KCND2: variants seen among roughly 807,000 people sequenced by gnomAD.
The protein encoded by KCND2 is potassium voltage-gated channel subfamily D member 2.
KCND2 carries 16 observed loss-of-function variants against 54.4 expected under a neutral mutation model. The ratio of observed to expected loss-of-function variants is 0.29; its 90% CI spans 0.20 to 0.45. The LOEUF (loss-of-function observed/expected upper bound fraction) is 0.45, where lower values mean the gene tolerates loss of function less well. Among genes scored for constraint, KCND2 ranks in the 20% least tolerant of loss-of-function variants. The pLI is 1.00. For missense variants in KCND2, 486 were observed against 824.2 expected (o/e 0.59, Z 5.02); for synonymous variants, 317 against 310.7 (o/e 1.02, Z -0.21).
At chr7:120,701,240 T>TAAAAAAAAAAAAAAAAAAAAAA (rs34803439) in intron 1 of KCND2, among the ~76,000 whole-genome samples, 1 of 55,098 alleles carries the variant, frequency 1.8e-5, no homozygotes, top group African/African-American at 5.6e-5. Flanking sequence ...AATGCCTAGC[T>TAAAAAAAAAAAAAAAAAAAAAA]AAAAAAAAAA....
At chr7:120,671,951 C>G (rs1055346231) in intron 1 of KCND2, among the ~76,000 whole-genome samples, 5 of 152,064 alleles carry the variant, frequency 3.3e-5, no homozygotes, top group Admixed American at 6.6e-5. Context: ...CAACTTATCC[C>G]CACCCTTTTT....
intron 1 of KCND2, among the ~76,000 whole-genome samples, chr7:120,315,612 A>G (rs1407891357): frequency 6.6e-6 from 1 of 152,132 alleles, no homozygotes; most frequent in Non-Finnish European, 1.5e-5. Flanking sequence ...TGCCACCCTT[A>G]TGGGATAGTC....
chr7:120,550,861 C>T (rs755252106), intron 1 of KCND2, among the ~76,000 whole-genome samples: 3 of 152,090 alleles, frequency 2.0e-5, no homozygotes, highest in Non-Finnish European at 4.4e-5. Flanking sequence ...AAAAGCAAGC[C>T]GGAAATAGCA....
chr7:120,695,213 T>A (rs1792318791), intron 1 of KCND2, among the ~76,000 whole-genome samples: 2 of 150,796 alleles, frequency 1.3e-5, no homozygotes, highest in South Asian at 2.1e-4. Flanking sequence ...TTTATATATA[T>A]TATATATATA....
chr7:120,707,365 C>G (rs1207687455), intron 1 of KCND2, among the ~76,000 whole-genome samples: 3 of 152,024 alleles, frequency 2.0e-5, no homozygotes, highest in Non-Finnish European at 1.5e-5. Flanking sequence ...ACTAGGACAA[C>G]TATAACAATA....
intron 3 of KCND2, 142 bp from the exon 4 acceptor site, chr7:120,742,368 C>T (rs1242755594): frequency 2.7e-6 from 2 of 728,864 alleles, no homozygotes; most frequent in African/African-American, 3.5e-5. Context: ...TTAACAGGAA[C>T]TGCACATTTG....
chr7:120,536,726 C>T (rs1336693344), intron 1 of KCND2, among the ~76,000 whole-genome samples: 1 of 152,092 alleles, frequency 6.6e-6, no homozygotes, highest in Non-Finnish European at 1.5e-5. Flanking sequence ...GCAATTCAGC[C>T]ATATCATTAG....
chr7:120,704,679 G>A (rs187145168), intron 1 of KCND2, among the ~76,000 whole-genome samples: 15 of 152,242 alleles, frequency 9.9e-5, no homozygotes, highest in Admixed American at 4.6e-4. Context: ...TATCTTATAC[G>A]TGTTAAGCTT....
intron 1 of KCND2, among the ~76,000 whole-genome samples, chr7:120,416,910 A>G (rs528608650): frequency 2.0e-5 from 3 of 152,246 alleles, no homozygotes; most frequent in African/African-American, 7.2e-5. Context: ...CAGTGGCGCA[A>G]TCTCAGCTCA....
intron 1 of KCND2, among the ~76,000 whole-genome samples, chr7:120,670,088 C>G (rs1231290020): frequency 6.6e-6 from 1 of 152,016 alleles, no homozygotes; most frequent in Middle Eastern, 3.2e-3. Context: ...ACTAAAATCT[C>G]AGAAATCACC....
At chr7:120,302,078 T>C (rs1799591968) in intron 1 of KCND2, among the ~76,000 whole-genome samples, 1 of 152,188 alleles carries the variant, frequency 6.6e-6, no homozygotes, top group South Asian at 2.1e-4. Flanking sequence ...ACATTATATA[T>C]TTACATGTAC....
intron 1 of KCND2, among the ~76,000 whole-genome samples, chr7:120,619,493 C>G (rs1793071555): frequency 6.6e-6 from 1 of 152,198 alleles, no homozygotes; most frequent in Non-Finnish European, 1.5e-5. Context: ...ACTGGCCTAT[C>G]AACTAAGATG....
intron 1 of KCND2, among the ~76,000 whole-genome samples, chr7:120,732,224 G>A (rs1049400975): frequency 1.3e-5 from 2 of 152,082 alleles, no homozygotes; most frequent in African/African-American, 4.8e-5. Flanking sequence ...CAGATAAGGG[G>A]AAAGGAGGCA....
At chr7:120,690,803 C>T (rs991424742) in intron 1 of KCND2, among the ~76,000 whole-genome samples, 2 of 152,136 alleles carry the variant, frequency 1.3e-5, no homozygotes, top group Middle Eastern at 3.4e-3. Flanking sequence ...CCTTATGGAT[C>T]TTACATTCTA....
intron 1 of KCND2, among the ~76,000 whole-genome samples, chr7:120,368,678 C>A (rs1187232639): frequency 2.0e-5 from 3 of 152,038 alleles, no homozygotes; most frequent in Admixed American, 1.3e-4. Context: ...TCTCCTTTAT[C>A]ATTTTCAGTT....
chr7:120,292,220 A>G (rs1202134871), intron 1 of KCND2, among the ~76,000 whole-genome samples: 2 of 152,046 alleles, frequency 1.3e-5, no homozygotes, highest in East Asian at 1.9e-4. Context: ...TAACCACTGT[A>G]AATGTCCTAT....
intron 1 of KCND2, among the ~76,000 whole-genome samples, chr7:120,491,594 G>A (rs1219846107): frequency 1.3e-5 from 2 of 152,012 alleles, no homozygotes; most frequent in African/African-American, 4.8e-5. Context: ...AGAATCACAG[G>A]AAACAGTCAT....
intron 1 of KCND2, among the ~76,000 whole-genome samples, chr7:120,531,658 G>A (rs62469862): frequency 6.6e-6 from 1 of 151,898 alleles, no homozygotes; most frequent in Non-Finnish European, 1.5e-5. Context: ...CTCTTTTCTG[G>A]GTCACCAGTA....
intron 1 of KCND2, among the ~76,000 whole-genome samples, chr7:120,628,679 C>A (rs1220076521): frequency 2.0e-5 from 3 of 152,134 alleles, no homozygotes; most frequent in South Asian, 2.1e-4. Context: ...GTAGAAAGTT[C>A]TTTCCCTTAT....
Sources: allele counts gnomAD v4.1 joint callset (sites outside exome capture counted in the v4.1 genomes callset), GRCh38; gene constraint gnomAD v4.1.1; transcripts MANE v1.5; gene names NCBI Gene and HGNC (gene_info 2026-07-23, HGNC 2026-07-21).